RBMS3: variants seen among roughly 807,000 people sequenced by gnomAD.
RBMS3 encodes the protein RNA binding motif single stranded interacting protein 3, also known as RNA-binding motif, single-stranded-interacting protein 3.
Under a neutral mutation model 66.8 loss-of-function variants are expected in RBMS3, and 27 were observed. That is an observed-to-expected ratio of 0.40 (90% confidence interval 0.30 to 0.56). RBMS3 has a LOEUF of 0.56. RBMS3 is among the 20% of genes least tolerant of loss of function. RBMS3 has a pLI of 0.40. For missense variants in RBMS3, 513 were observed against 549.5 expected (o/e 0.93, Z 0.66); for synonymous variants, 188 against 183.0 (o/e 1.03, Z -0.22).
intron 1 of RBMS3, among the ~76,000 whole-genome samples, chr3:29,410,982 A>AAG (rs199870018): frequency 2.6e-5 from 4 of 151,506 alleles, no homozygotes; most frequent in Admixed American, 1.3e-4. Context: ...AAAAAAAAAA[A>AAG]GCAACACAAC....
At chr3:29,594,925 A>G (rs1049341555) in intron 4 of RBMS3, among the ~76,000 whole-genome samples, 5 of 152,166 alleles carry the variant, frequency 3.3e-5, no homozygotes, top group East Asian at 3.9e-4. Context: ...GGACTCTACT[A>G]TGTCATCTTA....
chr3:29,879,459 C>T (rs60258949), intron 7 of RBMS3, among the ~76,000 whole-genome samples: 5,859 of 152,038 alleles, frequency 0.039, 377 homozygotes, highest in African/African-American at 0.13. Context: ...AATATAACAT[C>T]CAGAAAACAA....
At chr3:29,524,738 C>G (rs1352789190) in intron 3 of RBMS3, among the ~76,000 whole-genome samples, 1 of 151,956 alleles carries the variant, frequency 6.6e-6, no homozygotes, top group Non-Finnish European at 1.5e-5. Context: ...GCCATCACGA[C>G]CAGCCTACAT....
intron 2 of RBMS3, among the ~76,000 whole-genome samples, chr3:29,444,126 G>A (rs796084849): frequency 3.9e-5 from 6 of 152,186 alleles, no homozygotes; most frequent in African/African-American, 1.4e-4. Flanking sequence ...ATATAAAATG[G>A]GAGCCATAAG....
intron 3 of RBMS3, among the ~76,000 whole-genome samples, chr3:29,501,194 T>G (rs2043953226): frequency 6.6e-6 from 1 of 152,206 alleles, no homozygotes; most frequent in Non-Finnish European, 1.5e-5. Flanking sequence ...CATGTGTATA[T>G]GTTTAAAATC....
intron 3 of RBMS3, among the ~76,000 whole-genome samples, chr3:29,495,344 C>CAATTTTA (rs929880197): frequency 2.7e-5 from 4 of 149,650 alleles, no homozygotes; most frequent in African/African-American, 9.8e-5. Flanking sequence ...TGGAATTCAT[C>CAATTTTA]AATTTTATTT....
At chr3:29,641,579 C>T (rs773378744) in intron 4 of RBMS3, among the ~76,000 whole-genome samples, 17 of 152,056 alleles carry the variant, frequency 1.1e-4, no homozygotes, top group Non-Finnish European at 2.4e-4. Context: ...ACAATAGATA[C>T]ATTCACTTTA....
intron 8 of RBMS3, among the ~76,000 whole-genome samples, chr3:29,893,713 C>A (rs970529337): frequency 2.0e-5 from 3 of 151,480 alleles, no homozygotes; most frequent in Non-Finnish European, 3.0e-5. Flanking sequence ...GTTTCTAATG[C>A]CCCTGCATGC....
At chr3:29,828,977 A>ACTTACTTTCTTTCTTTCTTT (rs1357556124) in intron 6 of RBMS3, among the ~76,000 whole-genome samples, 3 of 98,704 alleles carry the variant, frequency 3.0e-5, no homozygotes, top group East Asian at 4.9e-4. Flanking sequence ...TTAGCGAGTG[A>ACTTACTTTCTTTCTTTCTTT]CTTTCTTTCT....
intron 12 of RBMS3, among the ~76,000 whole-genome samples, chr3:29,983,513 T>C (rs1411628859): frequency 6.6e-6 from 1 of 152,216 alleles, no homozygotes; most frequent in East Asian, 1.9e-4. Flanking sequence ...ATAGTGTCCA[T>C]GGTCTTTACA....
At chr3:29,875,237 C>G (rs887548288) in intron 7 of RBMS3, among the ~76,000 whole-genome samples, 2 of 152,122 alleles carry the variant, frequency 1.3e-5, no homozygotes, top group African/African-American at 4.8e-5. Context: ...GTTTAAGCAA[C>G]AGTTTACAAC....
intron 1 of RBMS3, among the ~76,000 whole-genome samples, chr3:29,419,166 A>G (rs1009258149): frequency 3.9e-5 from 6 of 152,156 alleles, no homozygotes; most frequent in African/African-American, 1.4e-4. Context: ...TAATACAGGT[A>G]AGTATAGACC....
intron 4 of RBMS3, among the ~76,000 whole-genome samples, chr3:29,727,296 A>G (rs1047538633): frequency 6.6e-6 from 1 of 152,212 alleles, no homozygotes; most frequent in Non-Finnish European, 1.5e-5. Flanking sequence ...CATTCAGGAC[A>G]TAGGCATGGG....
intron 2 of RBMS3, among the ~76,000 whole-genome samples, chr3:29,485,655 C>A (rs1022833836): frequency 2.6e-5 from 4 of 152,134 alleles, no homozygotes; most frequent in Non-Finnish European, 4.4e-5. Flanking sequence ...AAAGTTCAAA[C>A]CCCCAAGGAA....
At chr3:29,379,454 C>T (rs2038655792) in intron 1 of RBMS3, among the ~76,000 whole-genome samples, 1 of 152,230 alleles carries the variant, frequency 6.6e-6, no homozygotes, top group South Asian at 2.1e-4. Flanking sequence ...GGACAATTTA[C>T]AGAAGGAGTT....
rs1021919407 is a variant in RBMS3 at position 29,766,766 on chromosome 3, A to C, written c.637+3777A>C. On this transcript the variant is annotated intron_variant, in intron 6 of 14. Coordinates refer to ENST00000383767, the MANE Select transcript of RBMS3 (RefSeq NM_001003793.3). ...ATACATGCCAAAAATCAAATTATTG[A>C]GTACTAGTATACAGGAAGTTAACAA... 8 of 151,962 alleles carry C rather than the reference A, an allele frequency of 5.3e-5. 1 individual carries two copies. Among genetic ancestry groups the C allele is most frequent in the African/African-American group, 1.9e-4 (8 of 41,412 alleles). 9.4% of individuals were successfully genotyped at this position (151,962 alleles called of 1,614,324 possible).
At chr3:29,944,406 A>T in intron 12 of RBMS3, 152 bp downstream of exon 12, 1 of 600,014 alleles carries the variant, frequency 1.7e-6, no homozygotes, top group Non-Finnish European at 3.0e-6. Context: ...TGTAGTTCAG[A>T]AACATAAACT....
At chr3:29,962,551 C>CATATATATACATATATATATATATATAT (rs1696545075) in intron 12 of RBMS3, among the ~76,000 whole-genome samples, 1 of 135,208 alleles carries the variant, frequency 7.4e-6, no homozygotes, top group Admixed American at 7.6e-5. Flanking sequence ...GGTCAAGACT[C>CATATATATACATATATATATATATATAT]ATATATATAT....
intron 2 of RBMS3, 82 bp downstream of exon 2, chr3:29,434,997 A>G (rs2041345620): frequency 7.4e-7 from 1 of 1,360,496 alleles, no homozygotes; most frequent in Non-Finnish European, 1.0e-6. Flanking sequence ...CAGTCAATGT[A>G]CTCATCCACT....
Sources: allele counts gnomAD v4.1 joint callset (sites outside exome capture counted in the v4.1 genomes callset), GRCh38; gene constraint gnomAD v4.1.1; transcripts MANE v1.5; gene names NCBI Gene and HGNC (gene_info 2026-07-23, HGNC 2026-07-21).